Variants in RAD51B observed in about 807,000 individuals in gnomAD.
The protein encoded by RAD51B is RAD51 paralog B, also known as DNA repair protein RAD51 homolog 2.
A neutral mutation model predicts 42.2 loss-of-function variants in RAD51B; 38 were observed. The ratio of observed to expected loss-of-function variants is 0.90; its 90% CI spans 0.70 to 1.18. RAD51B has a LOEUF of 1.18. RAD51B is among the 50% of genes most tolerant of loss of function. The pLI is 0.00. For missense variants in RAD51B, 373 were observed against 400.7 expected (o/e 0.93, Z 0.59); for synonymous variants, 154 against 145.2 (o/e 1.06, Z -0.43).
chr14:67,844,143 T>A (rs1197566789), intron 4 of RAD51B, among the ~76,000 whole-genome samples: 1 of 152,156 alleles, frequency 6.6e-6, no homozygotes, highest in Non-Finnish European at 1.5e-5. Context: ...TTTATTTCCA[T>A]GTAATTGTAT....
rs371509883 is a variant in RAD51B at position 68,420,496 on chromosome 14, G to A, written c.957+8969G>A. 3.3e-5 allele frequency among the ~76,000 whole-genome samples: 5 copies of A among 152,200 alleles called. No homozygotes were observed. In the East Asian group the frequency reaches 5.8e-4, roughly 18 times the overall value. On this transcript the variant is annotated intron_variant, in intron 9 of 10. Coordinates refer to ENST00000471583, the MANE Select transcript of RAD51B (RefSeq NM_133510.4). ...TATTCATGAGTTTTCCTGTAAAGAG[G>A]TGGGCAATTCCCAGAACTGGGCGTT... is the stretch of plus-strand genomic sequence containing the variant.
At chr14:68,435,832 A>G (rs1215413469) in intron 9 of RAD51B, among the ~76,000 whole-genome samples, 1 of 151,952 alleles carries the variant, frequency 6.6e-6, no homozygotes, top group African/African-American at 2.4e-5. Flanking sequence ...TCTTTTGGGA[A>G]CTGTCTGTTC....
At chr14:67,998,857 A>G (rs559551112) in intron 7 of RAD51B, among the ~76,000 whole-genome samples, 1 of 152,138 alleles carries the variant, frequency 6.6e-6, no homozygotes, top group South Asian at 2.1e-4. Flanking sequence ...GTTTGTTCTT[A>G]TGGAATTTAC....
intron 9 of RAD51B, among the ~76,000 whole-genome samples, chr14:68,436,188 ATTT>A (rs2085143950): frequency 6.6e-6 from 1 of 152,156 alleles, no homozygotes; most frequent in Non-Finnish European, 1.5e-5. Flanking sequence ...CCTTGAGTTA[ATTT>A]TTATATATGG....
chr14:67,917,053 A>C (rs1350783959), intron 7 of RAD51B, among the ~76,000 whole-genome samples: 1 of 152,248 alleles, frequency 6.6e-6, no homozygotes, highest in Non-Finnish European at 1.5e-5. Flanking sequence ...ATCTGAGCAA[A>C]GACTTGAATG....
At chr14:68,634,295 A>T (rs1339360828) in intron 10 of RAD51B, among the ~76,000 whole-genome samples, 1 of 152,160 alleles carries the variant, frequency 6.6e-6, no homozygotes, top group Non-Finnish European at 1.5e-5. Context: ...GTTATCAATG[A>T]TTACTAGTAC....
At chr14:68,092,485 A>G (rs2077117513) in intron 7 of RAD51B, among the ~76,000 whole-genome samples, 2 of 152,106 alleles carry the variant, frequency 1.3e-5, no homozygotes, top group South Asian at 2.1e-4. Flanking sequence ...TTCACTCATG[A>G]TTTGGCTCTC....
chr14:67,871,258 A>C (rs1014862383), intron 5 of RAD51B, among the ~76,000 whole-genome samples: 2 of 152,200 alleles, frequency 1.3e-5, no homozygotes, highest in African/African-American at 4.8e-5. Context: ...AGGGGATATC[A>C]TCACCGATCC....
chr14:68,023,775 C>G (rs1381331321), intron 7 of RAD51B, among the ~76,000 whole-genome samples: 2 of 152,068 alleles, frequency 1.3e-5, no homozygotes. Context: ...TGTGAATACT[C>G]TCTCCCATTC....
rs528901731 is a variant in RAD51B, at chr14:68,631,838, C to A, written c.1037-18943C>A. 2.0e-5 allele frequency among the ~76,000 whole-genome samples: 3 copies of A among 152,296 alleles called. No individual in the cohort carries two copies. The East Asian group carries it at 5.8e-4, about 29-fold the overall frequency. ...GGCTCCAGTGTCTGTGTGTGCGCTG[C>A]GTGCTGGCCATCCACCTCATATTCT... is the stretch of plus-strand genomic sequence containing the variant. On this transcript the variant is annotated intron_variant, in intron 10 of 11. Coordinates refer to the RAD51B transcript ENST00000488612.
intron 8 of RAD51B, among the ~76,000 whole-genome samples, chr14:68,300,554 G>GA (rs2081708079): frequency 1.3e-5 from 2 of 152,144 alleles, no homozygotes; most frequent in Admixed American, 6.5e-5. Context: ...CCTATCACTA[G>GA]TCCATGCCAT....
chr14:68,449,346 C>T (rs528496082), intron 9 of RAD51B, among the ~76,000 whole-genome samples: 1 of 152,320 alleles, frequency 6.6e-6, no homozygotes, highest in Non-Finnish European at 1.5e-5. Context: ...ATTCTTCTAC[C>T]TAGGGACCCC....
intron 4 of RAD51B, among the ~76,000 whole-genome samples, chr14:67,862,610 C>T (rs1358314872): frequency 6.6e-6 from 1 of 152,090 alleles, no homozygotes; most frequent in African/African-American, 2.4e-5. Flanking sequence ...TGATGTATTT[C>T]TTTAATTTCA....
intron 7 of RAD51B, among the ~76,000 whole-genome samples, chr14:68,218,911 A>T (rs998001169): frequency 2.6e-5 from 4 of 152,238 alleles, no homozygotes; most frequent in African/African-American, 9.6e-5. Context: ...GGTCATGGAC[A>T]GTGATAGGGG....
At chr14:68,345,918 CA>C (rs1379338645) in intron 8 of RAD51B, among the ~76,000 whole-genome samples, 5 of 152,182 alleles carry the variant, frequency 3.3e-5, no homozygotes, top group Non-Finnish European at 7.3e-5. Context: ...CCTTGGCCTC[CA>C]AAAGTGCATG....
At chr14:68,136,186 G>A (rs1595452107) in intron 7 of RAD51B, among the ~76,000 whole-genome samples, 1 of 152,062 alleles carries the variant, frequency 6.6e-6, no homozygotes, top group Admixed American at 6.5e-5. Flanking sequence ...AGAATCAAAC[G>A]TCTGAATTGA....
chr14:68,321,508 A>G (rs2139765749), intron 8 of RAD51B, among the ~76,000 whole-genome samples: 1 of 152,344 alleles, frequency 6.6e-6, no homozygotes, highest in East Asian at 1.9e-4. Flanking sequence ...CTGGGAAGAC[A>G]TCACTGATGA....
chr14:68,448,392 T>G (rs17828763), intron 9 of RAD51B, among the ~76,000 whole-genome samples: 23,931 of 152,016 alleles, frequency 0.16, 2,487 homozygotes, highest in Non-Finnish European at 0.23. Context: ...AGGAAGCGAG[T>G]GTTTTTTAAC....
At chr14:67,995,897 A>G (rs560210278) in intron 7 of RAD51B, among the ~76,000 whole-genome samples, 55 of 152,104 alleles carry the variant, frequency 3.6e-4, no homozygotes, top group East Asian at 1.4e-3. Flanking sequence ...GATTACAGGC[A>G]TGAGCCACCG....
Sources: allele counts gnomAD v4.1 joint callset (sites outside exome capture counted in the v4.1 genomes callset), GRCh38; gene constraint gnomAD v4.1.1; transcripts MANE v1.5; gene names NCBI Gene and HGNC (gene_info 2026-07-23, HGNC 2026-07-21).